ATXN7L1: variants seen among roughly 807,000 people sequenced by gnomAD.
ATXN7L1 encodes ataxin-7-like protein 1.
ATXN7L1 carries 15 observed loss-of-function variants against 70.8 expected under a neutral mutation model. The observed-to-expected ratio is 0.21, with a 90% CI of 0.14 to 0.33. The LOEUF is 0.33. Ranked by LOEUF, ATXN7L1 falls within the 10% of genes least tolerant of loss-of-function variation. The pLI, the probability that ATXN7L1 is intolerant of heterozygous loss-of-function variation, is 1.00. For synonymous variants in ATXN7L1, 440 were observed against 445.1 expected, an observed-to-expected ratio of 0.99 and a Z score of 0.14; for missense variants, 975 against 1,097.1, an observed-to-expected ratio of 0.89 and a Z score of 1.57.
intron 3 of ATXN7L1, among the ~76,000 whole-genome samples, chr7:105,737,622 G>A (rs1328432019): frequency 6.6e-6 from 1 of 151,762 alleles, no homozygotes; most frequent in Non-Finnish European, 1.5e-5. Context: ...AGGGGAGGGG[G>A]ACTCTTCACC....
chr7:105,695,534 T>C (rs1392578169), intron 3 of ATXN7L1, among the ~76,000 whole-genome samples: 1 of 152,216 alleles, frequency 6.6e-6, no homozygotes, highest in Non-Finnish European at 1.5e-5. Context: ...TGCCAACCCC[T>C]GGTTCCTTAC....
intron 3 of ATXN7L1, among the ~76,000 whole-genome samples, chr7:105,727,713 T>A (rs1475956323): frequency 7.6e-6 from 1 of 131,254 alleles, no homozygotes; most frequent in Non-Finnish European, 1.6e-5. Flanking sequence ...GAATACTAGA[T>A]ATTTTTCCAT....
At chr7:105,791,497 T>C (rs1338731974) in intron 2 of ATXN7L1, among the ~76,000 whole-genome samples, 3 of 152,220 alleles carry the variant, frequency 2.0e-5, no homozygotes, top group Non-Finnish European at 4.4e-5. Flanking sequence ...GCCGCGGAGA[T>C]GACCCTTCTT....
At chr7:105,867,811 C>A (rs1345935135) in intron 2 of ATXN7L1, among the ~76,000 whole-genome samples, 1 of 152,208 alleles carries the variant, frequency 6.6e-6, no homozygotes, top group Non-Finnish European at 1.5e-5. Flanking sequence ...CGATTTGTCC[C>A]CCTGGGACAT....
chr7:105,763,804 T>A (rs150035944), intron 3 of ATXN7L1, among the ~76,000 whole-genome samples: 3 of 152,228 alleles, frequency 2.0e-5, no homozygotes, highest in Non-Finnish European at 4.4e-5. Flanking sequence ...GATAGTCACT[T>A]CCTTCATAAT....
chr7:105,610,213 T>C (rs1472562982), intron 11 of ATXN7L1, among the ~76,000 whole-genome samples: 1 of 152,234 alleles, frequency 6.6e-6, no homozygotes, highest in Non-Finnish European at 1.5e-5. Flanking sequence ...TAATAATAGC[T>C]AACACTTGTG....
intron 3 of ATXN7L1, among the ~76,000 whole-genome samples, chr7:105,733,497 TCCATCCTTCCATCCATCCAC>T (rs1563048246): frequency 1.0e-4 from 14 of 137,870 alleles, no homozygotes; most frequent in African/African-American, 3.6e-4. Flanking sequence ...CATCCACCCA[TCCATCCTTCCATCCATCCAC>T]CCATCCATCC....
At chr7:105,826,289 T>C (rs1810861440) in intron 2 of ATXN7L1, among the ~76,000 whole-genome samples, 1 of 152,242 alleles carries the variant, frequency 6.6e-6, no homozygotes, top group African/African-American at 2.4e-5. Flanking sequence ...GCTCAATGTC[T>C]GTCACCAGCC....
In ATXN7L1 at chr7:105,727,746, GTATA is replaced by G. The variant is rs1232202676; in HGVS notation, c.355+60854_355+60857del. The stretch of plus-strand genomic sequence containing the variant: ...CATAGGGGTGTGTGTGTGTATGTGT[GTATA>G]TATATATATATATATATATATATAT... On this transcript the variant is annotated intron_variant, in intron 3 of 11. Coordinates refer to ENST00000419735, the MANE Select transcript of ATXN7L1 (RefSeq NM_020725.2). Among the ~76,000 whole-genome samples, 357 of 55,338 alleles carry G rather than the reference GTATA, an allele frequency of 6.5e-3. 8 individuals are homozygous for G. The highest frequency in any genetic ancestry group is 0.014 in the African/African-American group (147 of 10,232). 36.3% of individuals were successfully genotyped at this position (55,338 alleles called of 152,430 possible).
At chr7:105,749,732 C>T (rs968241658) in intron 3 of ATXN7L1, among the ~76,000 whole-genome samples, 17 of 119,764 alleles carry the variant, frequency 1.4e-4, no homozygotes, top group African/African-American at 4.4e-4. Context: ...TTGATTTCAT[C>T]TGGGCAGCAC....
intron 2 of ATXN7L1, among the ~76,000 whole-genome samples, chr7:105,797,002 A>G (rs900389263): frequency 1.3e-5 from 2 of 152,198 alleles, no homozygotes; most frequent in Non-Finnish European, 2.9e-5. Flanking sequence ...CAAGGGCTCC[A>G]TTGTGAGAGA....
intron 3 of ATXN7L1, among the ~76,000 whole-genome samples, chr7:105,748,143 C>T (rs1056121939): frequency 2.0e-5 from 3 of 150,410 alleles, no homozygotes; most frequent in African/African-American, 7.3e-5. Flanking sequence ...AAGAAGTCTT[C>T]TGTTGATGAT....
intron 3 of ATXN7L1, among the ~76,000 whole-genome samples, chr7:105,727,744 GTGTATATATATATATATATA>G (rs1303898910): frequency 6.3e-5 from 2 of 31,732 alleles, no homozygotes; most frequent in African/African-American, 4.6e-4. Context: ...GTGTGTATGT[GTGTATATATATATATATATA>G]TATATATATA....
At chr7:105,626,626 T>G (rs1292229797) in intron 7 of ATXN7L1, among the ~76,000 whole-genome samples, 3 of 152,234 alleles carry the variant, frequency 2.0e-5, no homozygotes, top group Admixed American at 2.0e-4. Context: ...TCTGCGTGTC[T>G]ACAGGCCAAA....
intron 3 of ATXN7L1, among the ~76,000 whole-genome samples, chr7:105,718,359 G>C (rs929792317): frequency 6.6e-6 from 1 of 152,154 alleles, no homozygotes; most frequent in Admixed American, 6.5e-5. Context: ...CGAGTTCCTG[G>C]GTGCCAACTG....
intron 3 of ATXN7L1, among the ~76,000 whole-genome samples, chr7:105,750,107 G>T (rs1799028729): frequency 6.6e-6 from 1 of 151,800 alleles, no homozygotes; most frequent in African/African-American, 2.4e-5. Context: ...ACCATGTGTA[G>T]ACTGCAGGCA....
intron 3 of ATXN7L1, among the ~76,000 whole-genome samples, chr7:105,784,431 G>T (rs1031050495): frequency 2.1e-5 from 3 of 143,850 alleles, no homozygotes; most frequent in Non-Finnish European, 4.5e-5. Flanking sequence ...TAACTGACTG[G>T]CTAAACACAC....
rs535341536 is a variant in ATXN7L1, at chr7:105,619,687, G to T, written c.1517+513C>A. On this transcript the variant is annotated intron_variant, in intron 9 of 11. Transcript: ENST00000419735. ...CACCCCAGGCCTTTCAAGTAGCTAGGATCATAAGTGTGTGTCATTACACCC... is the reference window on the plus strand; with the variant it reads ...CACCCCAGGCCTTTCAAGTAGCTAGTATCATAAGTGTGTGTCATTACACCC... Among the ~76,000 whole-genome samples, 10 of 150,578 alleles carry T rather than the reference G, an allele frequency of 6.6e-5. No individual in the cohort carries two copies. In the South Asian group the frequency reaches 2.1e-3, roughly 32 times the overall value.
chr7:105,875,901 GA>G, intron 1 of ATXN7L1, 21 bp from the exon 2 acceptor site: 1 of 1,608,454 alleles, frequency 6.2e-7, no homozygotes, highest in Non-Finnish European at 8.5e-7. Flanking sequence ...AAAAGAAAAG[GA>G]AAACAGAAAA....
Sources: allele counts gnomAD v4.1 joint callset (sites outside exome capture counted in the v4.1 genomes callset), GRCh38; gene constraint gnomAD v4.1.1; transcripts MANE v1.5; gene names NCBI Gene and HGNC (gene_info 2026-07-23, HGNC 2026-07-21).